NKAIN2: variants seen among roughly 807,000 people sequenced by gnomAD.
The protein encoded by NKAIN2 is sodium/potassium-transporting ATPase subunit beta-1-interacting protein 2.
Under a neutral mutation model 32.6 loss-of-function variants are expected in NKAIN2, and 14 were observed. The observed-to-expected ratio is 0.43, with a 90% CI of 0.28 to 0.67. NKAIN2 has a LOEUF of 0.67. Ranked by LOEUF, NKAIN2 falls within the 30% of genes least tolerant of loss-of-function variation. NKAIN2 has a pLI of 0.17. For missense variants in NKAIN2, 198 were observed against 258.3 expected (o/e 0.77, Z 1.60); for synonymous variants, 80 against 87.2 (o/e 0.92, Z 0.46).
Position 124,399,141 on chromosome 6 carries a change from G to A in NKAIN2, c.273+43794G>A, listed in dbSNP as rs558288660. ...AGGGTTTCACCATGTTGGCCAGGCT[G>A]GTCTTGAACTCCTGACCTCAAGTGA... On this transcript the variant is annotated intron_variant, in intron 3 of 6. Transcript: ENST00000368417. 2.0e-5 allele frequency among the ~76,000 whole-genome samples: 3 copies of A among 152,242 alleles called. No individual in the cohort carries two copies. The East Asian group carries it at 5.8e-4, about 29-fold the overall frequency.
intron 1 of NKAIN2, among the ~76,000 whole-genome samples, chr6:123,922,872 G>T (rs1182004288): frequency 6.6e-6 from 1 of 152,104 alleles, no homozygotes; most frequent in African/African-American, 2.4e-5. Context: ...TTAACATGGG[G>T]AAAGTTACTG....
At chr6:123,833,550 A>G (rs1045164094) in intron 1 of NKAIN2, among the ~76,000 whole-genome samples, 4 of 152,128 alleles carry the variant, frequency 2.6e-5, no homozygotes, top group South Asian at 2.1e-4. Context: ...TCCTATTCCT[A>G]TTCATGAAAA....
intron 3 of NKAIN2, among the ~76,000 whole-genome samples, chr6:124,637,087 T>G (rs921755325): frequency 6.6e-6 from 1 of 152,060 alleles, no homozygotes; most frequent in Non-Finnish European, 1.5e-5. Context: ...TTTCAACATA[T>G]GTAGATTAAT....
chr6:124,593,235 G>A (rs1179469129), intron 3 of NKAIN2, among the ~76,000 whole-genome samples: 5 of 150,736 alleles, frequency 3.3e-5, no homozygotes, highest in African/African-American at 9.9e-5. Context: ...GTTTGTGTGC[G>A]TGTGCACCTC....
At chr6:123,809,385 T>G (rs1773357954) in intron 1 of NKAIN2, among the ~76,000 whole-genome samples, 1 of 152,102 alleles carries the variant, frequency 6.6e-6, no homozygotes, top group Admixed American at 6.6e-5. Flanking sequence ...TTATTCCTAA[T>G]TTCTATAGGA....
chr6:124,473,820 C>T (rs1777073847), intron 3 of NKAIN2, among the ~76,000 whole-genome samples: 1 of 152,122 alleles, frequency 6.6e-6, no homozygotes, highest in South Asian at 2.1e-4. Context: ...ACTGGTTTCA[C>T]ATCAGTTCAG....
At chr6:124,605,143 G>C (rs1782451240) in intron 3 of NKAIN2, among the ~76,000 whole-genome samples, 1 of 152,018 alleles carries the variant, frequency 6.6e-6, no homozygotes, top group Non-Finnish European at 1.5e-5. Context: ...TCTTTTGTCA[G>C]TGTTATGACT....
At chr6:124,354,692 A>C (rs1011771940) in intron 2 of NKAIN2, among the ~76,000 whole-genome samples, 2 of 152,154 alleles carry the variant, frequency 1.3e-5, no homozygotes, top group African/African-American at 4.8e-5. Flanking sequence ...TATCAGACAT[A>C]TATGTTAGAG....
intron 5 of NKAIN2, among the ~76,000 whole-genome samples, chr6:124,815,254 A>G (rs374855062): frequency 4.9e-4 from 61 of 124,404 alleles, no homozygotes; most frequent in Non-Finnish European, 9.4e-4. Context: ...ATATATGTAT[A>G]TATATATGTG....
At chr6:124,791,691 A>G (rs1192581011) in intron 5 of NKAIN2, among the ~76,000 whole-genome samples, 1 of 152,106 alleles carries the variant, frequency 6.6e-6, no homozygotes, top group Non-Finnish European at 1.5e-5. Flanking sequence ...GAGATTGGAG[A>G]TGGAAATGAT....
chr6:124,334,261 G>T (rs566743570), intron 2 of NKAIN2, among the ~76,000 whole-genome samples: 96 of 152,280 alleles, frequency 6.3e-4, no homozygotes, highest in African/African-American at 2.3e-3. Context: ...CTAATGTAAT[G>T]TTCAATGTAT....
At chr6:124,348,423 T>C (rs62434721) in intron 2 of NKAIN2, among the ~76,000 whole-genome samples, 3 of 152,168 alleles carry the variant, frequency 2.0e-5, no homozygotes, top group African/African-American at 7.2e-5. Flanking sequence ...TTTGTCTGTG[T>C]CCTGCCCCCA....
chr6:124,030,296 C>T (rs1781350761), intron 1 of NKAIN2, among the ~76,000 whole-genome samples: 1 of 152,150 alleles, frequency 6.6e-6, no homozygotes, highest in South Asian at 2.1e-4. Context: ...CTCACACCCC[C>T]ACTGATCCAT....
chr6:124,309,367 G>A (rs1395928170), intron 2 of NKAIN2, among the ~76,000 whole-genome samples: 2 of 151,968 alleles, frequency 1.3e-5, no homozygotes, highest in East Asian at 3.9e-4. Flanking sequence ...TGAAATTTTT[G>A]GGGGATAATT....
At chr6:124,676,349 T>C (rs1346982456) in intron 4 of NKAIN2, among the ~76,000 whole-genome samples, 1 of 152,176 alleles carries the variant, frequency 6.6e-6, no homozygotes, top group East Asian at 1.9e-4. Context: ...ATTTTGTCTA[T>C]ATTGTTGTTC....
chr6:124,386,969 C>G (rs978695668), intron 3 of NKAIN2, among the ~76,000 whole-genome samples: 1 of 152,118 alleles, frequency 6.6e-6, no homozygotes, highest in African/African-American at 2.4e-5. Flanking sequence ...TCATGTTGCT[C>G]TACTTGGGGC....
intron 1 of NKAIN2, among the ~76,000 whole-genome samples, chr6:124,068,662 T>C (rs1783301612): frequency 6.6e-6 from 1 of 152,028 alleles, no homozygotes; most frequent in Non-Finnish European, 1.5e-5. Flanking sequence ...TTGGTGGACA[T>C]GGGCAGTGTT....
At chr6:124,774,043 A>C (rs1778878832) in intron 4 of NKAIN2, among the ~76,000 whole-genome samples, 1 of 152,174 alleles carries the variant, frequency 6.6e-6, no homozygotes, top group African/African-American at 2.4e-5. Context: ...ACTGGCCTTT[A>C]CTGAGAGTAG....
At chr6:124,682,031 T>G (rs1386461004) in intron 4 of NKAIN2, among the ~76,000 whole-genome samples, 1 of 151,990 alleles carries the variant, frequency 6.6e-6, no homozygotes, top group African/African-American at 2.4e-5. Context: ...GGGATAAAAA[T>G]GTAATGTACA....
Sources: allele counts gnomAD v4.1 joint callset (sites outside exome capture counted in the v4.1 genomes callset), GRCh38; gene constraint gnomAD v4.1.1; transcripts MANE v1.5; gene names NCBI Gene and HGNC (gene_info 2026-07-23, HGNC 2026-07-21).